The following ATP6V0D2 variants were observed in gnomAD, a reference collection of about 807,000 sequenced individuals.
The protein encoded by ATP6V0D2 is ATPase H+ transporting V0 subunit d2.
A neutral mutation model predicts 40.0 loss-of-function variants in ATP6V0D2; 40 were observed. That is an observed-to-expected ratio of 1.00 (90% confidence interval 0.78 to 1.30). The LOEUF (loss-of-function observed/expected upper bound fraction) is 1.30, where lower values mean the gene tolerates loss of function less well. ATP6V0D2 is among the 50% of genes most tolerant of loss of function. ATP6V0D2 has a pLI of 0.00. For synonymous variants in ATP6V0D2, 179 were observed against 156.3 expected (o/e 1.15, Z -1.08); for missense variants, 470 against 423.1 (o/e 1.11, Z -0.97).
rs1181531460 is a variant in ATP6V0D2 at position 86,153,704 on chromosome 8, T to C, written c.*727T>C. On this transcript the variant is annotated 3_prime_UTR_variant, in exon 8 of 8. Transcript: ENST00000285393. ...TGTTCCTTGCCTAGATTCACAGAAA[T>C]CCAAAGCTGTATGTAGTCAACATGG... The C allele has an allele frequency of 1.3e-5, 2 of 152,206 alleles. No individual in the cohort carries two copies. 9.4% of individuals were successfully genotyped at this position (152,206 alleles called of 1,614,324 possible). A position where few individuals can be genotyped will look rare whatever the true frequency, so the allele number is the denominator to read the frequency against.
chr8:86,151,755 C>CTTTTTTTTTTTT (rs564476016), intron 7 of ATP6V0D2, among the ~76,000 whole-genome samples: 2 of 85,518 alleles, frequency 2.3e-5, no homozygotes, highest in Non-Finnish European at 6.0e-5. Context: ...GCTTTTCTTT[C>CTTTTTTTTTTTT]TTTTTTTTTT....
chr8:86,106,875 T>C (rs1275163120), intron 1 of ATP6V0D2, among the ~76,000 whole-genome samples: 1 of 151,652 alleles, frequency 6.6e-6, no homozygotes, highest in African/African-American at 2.4e-5. Flanking sequence ...CTGTGGAGAG[T>C]ACAAAAAAGA....
chr8:86,132,658 T>G (rs1459838379), intron 2 of ATP6V0D2, among the ~76,000 whole-genome samples: 1 of 152,184 alleles, frequency 6.6e-6, no homozygotes, highest in Non-Finnish European at 1.5e-5. Flanking sequence ...AAATGACATA[T>G]TATTCTTTTT....
chr8:86,143,001 A>G lies in ATP6V0D2; in HGVS notation c.639+47A>G, dbSNP rs749671395. ...TTGTTATGCTAAATAAGGTGCTTAC[A>G]TATTTTTATTGTTTTAACCTTACTT... On this transcript the variant is annotated intron_variant, in intron 5 of 7. Coordinates refer to ENST00000285393, the MANE Select transcript of ATP6V0D2 (RefSeq NM_152565.1). 6 of 1,349,762 alleles carry G rather than the reference A, an allele frequency of 4.4e-6. No homozygotes were observed. The South Asian group carries it at 6.4e-5, about 14-fold the overall frequency. The allele number at this position is 1,349,762 out of a possible 1,614,324, so 83.6% of individuals were successfully genotyped here. A position where few individuals can be genotyped will look rare whatever the true frequency, so the allele number is the denominator to read the frequency against.
intron 2 of ATP6V0D2, among the ~76,000 whole-genome samples, chr8:86,118,238 T>C (rs1438010766): frequency 2.1e-5 from 2 of 93,082 alleles, no homozygotes; most frequent in East Asian, 5.8e-4. Context: ...TTTTTGTATT[T>C]TTTTTTATTT....
intron 2 of ATP6V0D2, among the ~76,000 whole-genome samples, chr8:86,119,232 C>CTTTTT (rs35945978): frequency 7.9e-5 from 10 of 125,926 alleles, no homozygotes; most frequent in Admixed American, 1.7e-4. Flanking sequence ...ATCATAGGAT[C>CTTTTT]TTTTTTTTTT....
intron 2 of ATP6V0D2, among the ~76,000 whole-genome samples, chr8:86,137,807 G>A (rs12056342): frequency 0.14 from 20,532 of 152,086 alleles, 1,782 homozygotes; most frequent in East Asian, 0.32. Flanking sequence ...TCTCCTACTT[G>A]TCAGCTTTGT....
chr8:86,101,718 T>C (rs1818401680), intron 1 of ATP6V0D2, among the ~76,000 whole-genome samples: 1 of 152,056 alleles, frequency 6.6e-6, no homozygotes, highest in Non-Finnish European at 1.5e-5. Flanking sequence ...ACCTCAAGAA[T>C]AAAGCTTGTG....
rs368357647 is a variant in ATP6V0D2 at position 86,143,633 on chromosome 8, G to T, written c.639+679G>T. Reference sequence around the variant, plus strand: ...TCAGTGCCATCTTGGTTTTGGTGGGGTTTAGCCAGCTTCTTTACTGCAACC... The same window carrying T: ...TCAGTGCCATCTTGGTTTTGGTGGGTTTTAGCCAGCTTCTTTACTGCAACC... On this transcript the variant is annotated intron_variant, in intron 5 of 7. Coordinates refer to ENST00000285393, the MANE Select transcript of ATP6V0D2 (RefSeq NM_152565.1). Among the ~76,000 whole-genome samples the T allele has an allele frequency of 3.3e-5, 5 of 152,286 alleles. No individual in the cohort carries two copies. The East Asian group carries it at 7.7e-4, about 24-fold the overall frequency.
intron 1 of ATP6V0D2, among the ~76,000 whole-genome samples, chr8:86,101,462 GAA>G (rs59915079): frequency 0.42 from 31,989 of 76,700 alleles, 3,736 homozygotes; most frequent in Non-Finnish European, 0.48. Flanking sequence ...CCTGTCTCAG[GAA>G]AAAAAAAAAA....
chr8:86,145,483 G>GA (rs1470805668), intron 5 of ATP6V0D2, among the ~76,000 whole-genome samples: 1 of 152,066 alleles, frequency 6.6e-6, no homozygotes, highest in African/African-American at 2.4e-5. Context: ...GTTGTGAAGT[G>GA]AAAATCTTAT....
At chr8:86,132,600 G>C (rs1406053764) in intron 2 of ATP6V0D2, among the ~76,000 whole-genome samples, 2 of 151,936 alleles carry the variant, frequency 1.3e-5, no homozygotes, top group Non-Finnish European at 2.9e-5. Context: ...TCTGTGCCTG[G>C]TTTATTTTAC....
intron 5 of ATP6V0D2, among the ~76,000 whole-genome samples, chr8:86,144,612 C>CA (rs1819021536): frequency 6.6e-6 from 1 of 151,952 alleles, no homozygotes; most frequent in Non-Finnish European, 1.5e-5. Context: ...AAAAAGGAAA[C>CA]AAAAAAGTTT....
intron 1 of ATP6V0D2, among the ~76,000 whole-genome samples, chr8:86,110,476 A>T (rs560168511): frequency 4.6e-4 from 70 of 152,362 alleles, no homozygotes; most frequent in South Asian, 4.6e-3. Flanking sequence ...GTAAAGGTTT[A>T]TTGGAAGCCA....
intron 2 of ATP6V0D2, 126 bp downstream of exon 2, chr8:86,114,006 T>G: frequency 1.1e-6 from 1 of 895,020 alleles, no homozygotes; most frequent in Non-Finnish European, 1.6e-6. Context: ...AAGTTTAAAT[T>G]CATTCACATT....
chr8:86,130,329 G>A (rs1586095841), intron 2 of ATP6V0D2, among the ~76,000 whole-genome samples: 1 of 151,910 alleles, frequency 6.6e-6, no homozygotes, highest in South Asian at 2.1e-4. Context: ...TGTTAATATC[G>A]ATTCATTAAT....
chr8:86,105,401 C>A (rs901978631), intron 1 of ATP6V0D2, among the ~76,000 whole-genome samples: 1 of 151,894 alleles, frequency 6.6e-6, no homozygotes, highest in Non-Finnish European at 1.5e-5. Flanking sequence ...CGGACTTAAG[C>A]GACCCTCCCA....
intron 5 of ATP6V0D2, among the ~76,000 whole-genome samples, chr8:86,147,984 G>T (rs1447995621): frequency 1.3e-5 from 2 of 152,122 alleles, no homozygotes; most frequent in Non-Finnish European, 2.9e-5. Context: ...CTTTCCCAAT[G>T]ATTGAGCCAT....
At chr8:86,127,866 G>T (rs941484468) in intron 2 of ATP6V0D2, among the ~76,000 whole-genome samples, 4 of 152,208 alleles carry the variant, frequency 2.6e-5, no homozygotes, top group African/African-American at 9.6e-5. Context: ...TGAAGGATGT[G>T]GATCTGGCCT....
Sources: gnomAD v4.1 joint callset for allele counts (sites outside exome capture counted in the v4.1 genomes callset) on GRCh38, gnomAD v4.1.1 for gene constraint, MANE v1.5 for transcripts, NCBI Gene and HGNC (gene_info 2026-07-23, HGNC 2026-07-21) for gene names.